The following LRP1B variants were observed in gnomAD, a reference collection of about 807,000 sequenced individuals.
LRP1B encodes the protein low-density lipoprotein receptor-related protein 1B.
Under a neutral mutation model 556.6 loss-of-function variants are expected in LRP1B, and 217 were observed. The ratio of observed to expected loss-of-function variants is 0.39; its 90% confidence interval spans 0.35 to 0.44. The LOEUF (loss-of-function observed/expected upper bound fraction) is 0.44, where lower values mean the gene tolerates loss of function less well. LRP1B is among the 20% of genes least tolerant of loss of function. The pLI is 1.00. For missense variants in LRP1B, 5,053 were observed against 5,620.8 expected, an observed-to-expected ratio of 0.90 and a Z score of 3.23; for synonymous variants, 2,047 against 1,865.8, an observed-to-expected ratio of 1.10 and a Z score of -2.50.
chr2:140,376,828 A>G (rs1328194330), intron 68 of LRP1B, among the ~76,000 whole-genome samples: 1 of 152,292 alleles, frequency 6.6e-6, no homozygotes. Flanking sequence ...GAAGAGACCT[A>G]GTTTGCATGA....
intron 14 of LRP1B, among the ~76,000 whole-genome samples, chr2:141,010,883 G>C (rs545231424): frequency 6.6e-6 from 1 of 151,648 alleles, no homozygotes; most frequent in East Asian, 1.9e-4. Flanking sequence ...TTCTGACACT[G>C]AGTCTAAAAT....
chr2:141,427,478 A>G (rs755094814), intron 3 of LRP1B, among the ~76,000 whole-genome samples: 1 of 152,224 alleles, frequency 6.6e-6, no homozygotes, highest in Non-Finnish European at 1.5e-5. Context: ...GTTTACAGCA[A>G]AATTGCTGTC....
At chr2:141,791,728 G>A (rs931252001) in intron 2 of LRP1B, among the ~76,000 whole-genome samples, 7 of 151,972 alleles carry the variant, frequency 4.6e-5, no homozygotes, top group African/African-American at 1.2e-4. Context: ...CAGAGCAGAC[G>A]TACAACACTC....
At chr2:141,349,200 T>C (rs1050176447) in intron 3 of LRP1B, among the ~76,000 whole-genome samples, 5 of 152,082 alleles carry the variant, frequency 3.3e-5, no homozygotes, top group African/African-American at 9.7e-5. Context: ...CTAATATTGA[T>C]TGTAAATAAC....
chr2:140,237,126 TCTGA>T (rs988772046), intron 89 of LRP1B, among the ~76,000 whole-genome samples: 1 of 150,992 alleles, frequency 6.6e-6, no homozygotes, highest in African/African-American at 2.4e-5. Flanking sequence ...ATTCCTCTTA[TCTGA>T]CTGTGACTTT....
At chr2:141,462,805 A>G (rs1405977489) in intron 3 of LRP1B, among the ~76,000 whole-genome samples, 2 of 110,182 alleles carry the variant, frequency 1.8e-5, no homozygotes, top group African/African-American at 6.5e-5. Context: ...CGCTGCCCAA[A>G]GCCAACAATA....
At chr2:140,373,498 A>C (rs1248381912) in intron 68 of LRP1B, among the ~76,000 whole-genome samples, 2 of 152,160 alleles carry the variant, frequency 1.3e-5, no homozygotes, top group African/African-American at 2.4e-5. Flanking sequence ...GGATAAAAAA[A>C]AATTTTATGG....
intron 55 of LRP1B, 145 bp downstream of exon 55, chr2:140,501,542 T>C (rs75675874): frequency 0.042 from 20,108 of 484,254 alleles, 524 homozygotes; most frequent in Non-Finnish European, 0.044. Flanking sequence ...ACTACTATTA[T>C]GGTATCTTCA....
chr2:141,670,666 C>T (rs1033017651), intron 2 of LRP1B, among the ~76,000 whole-genome samples: 1 of 152,162 alleles, frequency 6.6e-6, no homozygotes, highest in African/African-American at 2.4e-5. Flanking sequence ...TTGTTGTAGA[C>T]ATATTAAAAC....
chr2:142,007,138 C>T (rs1220035657), intron 1 of LRP1B, among the ~76,000 whole-genome samples: 1 of 152,030 alleles, frequency 6.6e-6, no homozygotes, highest in Non-Finnish European at 1.5e-5. Flanking sequence ...GAAATCAAAC[C>T]CTAAATAATT....
At chr2:141,218,337 A>G (rs576162468) in intron 6 of LRP1B, among the ~76,000 whole-genome samples, 8 of 152,226 alleles carry the variant, frequency 5.3e-5, no homozygotes, top group Non-Finnish European at 1.0e-4. Context: ...ATGCATGTGT[A>G]CATACATCAC....
intron 3 of LRP1B, among the ~76,000 whole-genome samples, chr2:141,471,287 T>TTTTTTTTTTA (rs1682463035): frequency 1.5e-5 from 1 of 68,070 alleles, no homozygotes; most frequent in Non-Finnish European, 3.7e-5. Flanking sequence ...TTTTTTTTTT[T>TTTTTTTTTTA]TTTTTTTACT....
chr2:140,886,086 T>C (rs909338684), intron 24 of LRP1B, 52 bp downstream of exon 24: 21 of 1,182,576 alleles, frequency 1.8e-5, no homozygotes, highest in Admixed American at 4.7e-5. Flanking sequence ...GTTCTTTGAA[T>C]TTTCACTTAA....
intron 7 of LRP1B, among the ~76,000 whole-genome samples, chr2:141,163,458 C>A: frequency 6.6e-6 from 1 of 151,966 alleles, no homozygotes; most frequent in East Asian, 1.9e-4. Context: ...CACTGGATTG[C>A]ATAAGGAAGA....
chr2:141,405,450 CAA>C (rs1312338792), intron 3 of LRP1B, among the ~76,000 whole-genome samples: 1 of 151,946 alleles, frequency 6.6e-6, no homozygotes, highest in Non-Finnish European at 1.5e-5. Context: ...CACATTAAGT[CAA>C]AGAGTAATAT....
In LRP1B at chr2:141,124,676, A is replaced by G. The variant is rs866138366; in HGVS notation, c.1014-62403T>C. On this transcript the variant is annotated intron_variant, in intron 7 of 90. Transcript: ENST00000389484. ...TGGAGTGACAAATGAAAAAAAAAAA[A>G]AAAAGAAAAAAATACTTTAAAGAGC... Among the ~76,000 whole-genome samples the G allele has an allele frequency of 7.2e-3, 1,089 of 151,632 alleles. 14 individuals carry two copies. The highest frequency in any genetic ancestry group is 0.025 in the African/African-American group (1,050 of 41,310).
At position 140,776,220 on chromosome 2, in the gene LRP1B, G is replaced by A; in HGVS notation, c.5378C>T (p.Ala1793Val). ...LTIMDKKLWW[A>V]DQNLAQLGTC... ...TCCTAGCTGGGCTAAGTTTTGGTCTGCCCACCACAGTTTCTTATCTAGAAA... is the reference window on the plus strand; with the variant it reads ...TCCTAGCTGGGCTAAGTTTTGGTCTACCCACCACAGTTTCTTATCTAGAAA... The change falls in exon 33 of 91, where the codon GCA becomes GTA. Residue 1793 changes from alanine (A) to valine (V), a missense_variant. This residue lies in a region of LRP1B where 3,619 missense variants were observed against 3,931.9 expected (regional missense o/e 0.92). Coordinates refer to ENST00000389484, the MANE Select transcript of LRP1B (RefSeq NM_018557.3). 1 of 1,593,230 alleles carries A rather than the reference G, an allele frequency of 6.3e-7. No homozygotes were observed. The highest frequency in any genetic ancestry group is 1.4e-5 in the African/African-American group (1 of 73,176).
chr2:140,621,533 C>A (rs1683456197), intron 41 of LRP1B, among the ~76,000 whole-genome samples: 1 of 151,956 alleles, frequency 6.6e-6, no homozygotes, highest in Non-Finnish European at 1.5e-5. Context: ...TGCCTACCAT[C>A]TTGATTAAAT....
At chr2:140,651,502 T>A in intron 41 of LRP1B, among the ~76,000 whole-genome samples, 1 of 106,000 alleles carries the variant, frequency 9.4e-6, no homozygotes, top group African/African-American at 3.6e-5. Context: ...TAAAGTATAA[T>A]TAAAAAAAAA....
Sources: allele counts gnomAD v4.1 joint callset (sites outside exome capture counted in the v4.1 genomes callset), GRCh38; gene constraint gnomAD v4.1.1; regional missense constraint gnomAD v4.1.1; transcripts MANE v1.5; gene names NCBI Gene and HGNC (gene_info 2026-07-23, HGNC 2026-07-21).